PLCB4: variants seen among roughly 807,000 people sequenced by gnomAD.
PLCB4 encodes the protein phospholipase C beta 4.
In PLCB4, 77 loss-of-function variants were observed where a neutral mutation model predicts 178.8. The observed-to-expected ratio is 0.43, with a 90% CI of 0.36 to 0.52. The LOEUF (loss-of-function observed/expected upper bound fraction) is 0.52, where lower values mean the gene tolerates loss of function less well. Among genes scored for constraint, PLCB4 ranks in the 20% least tolerant of loss-of-function variants. The pLI is 0.00. For synonymous variants in PLCB4, 496 were observed against 490.8 expected (o/e 1.01, Z -0.14); for missense variants, 1,024 against 1,453.4 (o/e 0.70, Z 4.80).
At chr20:9,120,797 T>C (rs957164333) in intron 2 of PLCB4, among the ~76,000 whole-genome samples, 5 of 152,140 alleles carry the variant, frequency 3.3e-5, no homozygotes, top group African/African-American at 9.7e-5. Context: ...AGCCTCCTCC[T>C]CCATGCTATG....
At chr20:9,306,003 A>G (rs2094761383) in intron 3 of PLCB4, among the ~76,000 whole-genome samples, 1 of 152,126 alleles carries the variant, frequency 6.6e-6, no homozygotes, top group Admixed American at 6.5e-5. Context: ...ACGTGGAATC[A>G]GTGGATTTTT....
At chr20:9,318,541 C>T (rs2094925594) in intron 4 of PLCB4, among the ~76,000 whole-genome samples, 1 of 152,172 alleles carries the variant, frequency 6.6e-6, no homozygotes, top group East Asian at 1.9e-4. Flanking sequence ...AGAATAATGG[C>T]TGACAGTCAT....
intron 12 of PLCB4, among the ~76,000 whole-genome samples, chr20:9,374,918 T>C (rs958846112): frequency 2.0e-5 from 3 of 152,120 alleles, no homozygotes; most frequent in Non-Finnish European, 2.9e-5. Flanking sequence ...CAGTAGACAA[T>C]AGTATTCTTT....
At chr20:9,161,631 G>C (rs116120565) in intron 2 of PLCB4, among the ~76,000 whole-genome samples, 1 of 152,192 alleles carries the variant, frequency 6.6e-6, no homozygotes, top group Non-Finnish European at 1.5e-5. Context: ...TTATTGACTC[G>C]AAGAGACAAA....
chr20:9,116,850 T>C (rs956268420), intron 2 of PLCB4, among the ~76,000 whole-genome samples: 7 of 152,274 alleles, frequency 4.6e-5, no homozygotes, highest in African/African-American at 1.4e-4. Context: ...AACTATTGAT[T>C]TAGGTCATTT....
chr20:9,292,889 G>A (rs1021522845), intron 3 of PLCB4, among the ~76,000 whole-genome samples: 3 of 152,128 alleles, frequency 2.0e-5, no homozygotes, highest in African/African-American at 7.2e-5. Flanking sequence ...GACTAGCCTG[G>A]CCAACATGGC....
chr20:9,404,164 A>G (rs2039257414), intron 20 of PLCB4, among the ~76,000 whole-genome samples: 1 of 152,132 alleles, frequency 6.6e-6, no homozygotes, highest in African/African-American at 2.4e-5. Flanking sequence ...TGCAGGAAAG[A>G]GAGGGGATAA....
intron 25 of PLCB4, among the ~76,000 whole-genome samples, chr20:9,413,403 G>C (rs528746786): frequency 1.3e-5 from 2 of 152,010 alleles, no homozygotes; most frequent in Admixed American, 1.3e-4. Flanking sequence ...CTCACACCTG[G>C]AATCCCAGCA....
chr20:9,108,871 T>A, intron 2 of PLCB4, among the ~76,000 whole-genome samples: 9 of 130,020 alleles, frequency 6.9e-5, no homozygotes, highest in African/African-American at 8.8e-5. Flanking sequence ...AGATACAGAG[T>A]GATGAGAGAG....
At chr20:9,224,092 G>A (rs1248154382) in intron 3 of PLCB4, among the ~76,000 whole-genome samples, 12 of 152,298 alleles carry the variant, frequency 7.9e-5, no homozygotes, top group African/African-American at 2.9e-4. Flanking sequence ...AGTTTCAAAG[G>A]GAAGAGACTT....
At chr20:9,137,365 G>A (rs566882414) in intron 2 of PLCB4, among the ~76,000 whole-genome samples, 7 of 152,150 alleles carry the variant, frequency 4.6e-5, no homozygotes, top group East Asian at 1.9e-4. Context: ...GGCATAAATC[G>A]TACTCAAGCC....
intron 1 of PLCB4, among the ~76,000 whole-genome samples, chr20:9,086,278 C>T (rs2090413740): frequency 6.6e-6 from 1 of 152,050 alleles, no homozygotes; most frequent in Admixed American, 6.5e-5. Flanking sequence ...TTACTTGCAA[C>T]TACAGCATCG....
chr20:9,104,899 A>G (rs1291884410), intron 2 of PLCB4, among the ~76,000 whole-genome samples: 1 of 151,828 alleles, frequency 6.6e-6, no homozygotes, highest in Non-Finnish European at 1.5e-5. Context: ...AGACCTCCCA[A>G]TTTCTGTCTT....
chr20:9,390,095 A>G, intron 16 of PLCB4, 137 bp downstream of exon 16: 1 of 579,546 alleles, frequency 1.7e-6, no homozygotes, highest in East Asian at 2.6e-5. Context: ...TTCTCCAGCA[A>G]GGGCACCTAC....
chr20:9,162,387 A>C (rs888201879), intron 2 of PLCB4, among the ~76,000 whole-genome samples: 1 of 152,178 alleles, frequency 6.6e-6, no homozygotes, highest in African/African-American at 2.4e-5. Context: ...GGAAAGAGAG[A>C]AGCAGAGGTA....
rs543486552 is a variant in PLCB4 at position 9,245,297 on chromosome 20, A to G, written c.-16+27845A>G. On this transcript the variant is annotated intron_variant, in intron 3 of 39. Coordinates refer to ENST00000378473, the MANE Select transcript of PLCB4 (RefSeq NM_001377142.1). ...GTGAGGAAATAGATTCCACTTCTTG[A>G]TGGGAAGAACCACAGTATCACAAGA... Among the ~76,000 whole-genome samples, 3 of 152,270 alleles carry G rather than the reference A, an allele frequency of 2.0e-5. No individual in the cohort carries two copies. In the South Asian group the frequency reaches 6.2e-4, roughly 32 times the overall value.
At chr20:9,103,181 G>A (rs1012964604) in intron 2 of PLCB4, among the ~76,000 whole-genome samples, 31 of 151,992 alleles carry the variant, frequency 2.0e-4, no homozygotes, top group African/African-American at 6.0e-4. Context: ...GACTACTCCA[G>A]TATGGAGTGC....
At chr20:9,364,865 A>C (rs923391262) in intron 8 of PLCB4, among the ~76,000 whole-genome samples, 4 of 152,328 alleles carry the variant, frequency 2.6e-5, no homozygotes, top group African/African-American at 9.6e-5. Context: ...GGAATTTTTC[A>C]CCATCAATTT....
chr20:9,080,187 A>T (rs960875133), intron 1 of PLCB4, among the ~76,000 whole-genome samples: 1 of 152,202 alleles, frequency 6.6e-6, no homozygotes, highest in Non-Finnish European at 1.5e-5. Flanking sequence ...TTTGTTCAGC[A>T]TGGCAGCAAG....
Sources: allele counts gnomAD v4.1 joint callset (sites outside exome capture counted in the v4.1 genomes callset), GRCh38; gene constraint gnomAD v4.1.1; transcripts MANE v1.5; gene names NCBI Gene and HGNC (gene_info 2026-07-23, HGNC 2026-07-21).